PDE3A: variants seen among roughly 807,000 people sequenced by gnomAD.
The protein encoded by PDE3A is cGMP-inhibited 3',5'-cyclic phosphodiesterase 3A.
PDE3A carries 43 observed loss-of-function variants against 98.3 expected under a neutral mutation model. That is an observed-to-expected ratio of 0.44 (90% CI 0.34 to 0.56). The LOEUF (loss-of-function observed/expected upper bound fraction) is 0.56, where lower values mean the gene tolerates loss of function less well. PDE3A is among the 20% of genes least tolerant of loss of function. The pLI is 0.01. For synonymous variants in PDE3A, 663 were observed against 567.9 expected, an observed-to-expected ratio of 1.17 and a Z score of -2.38; for missense variants, 1,427 against 1,440.7, an observed-to-expected ratio of 0.99 and a Z score of 0.15.
intron 1 of PDE3A, among the ~76,000 whole-genome samples, chr12:20,505,157 T>C (rs1172586817): frequency 6.6e-6 from 1 of 152,150 alleles, no homozygotes; most frequent in African/African-American, 2.4e-5. Flanking sequence ...AATTACTTTC[T>C]ATAGTCCTAT....
intron 1 of PDE3A, among the ~76,000 whole-genome samples, chr12:20,546,684 A>C (rs1436977081): frequency 1.3e-5 from 2 of 152,178 alleles, no homozygotes; most frequent in African/African-American, 4.8e-5. Flanking sequence ...CTAAAAGGCA[A>C]CCCCTGCTCT....
At chr12:20,589,417 AC>A (rs1245235786) in intron 2 of PDE3A, among the ~76,000 whole-genome samples, 1 of 152,160 alleles carries the variant, frequency 6.6e-6, no homozygotes, top group African/African-American at 2.4e-5. Flanking sequence ...AAGCTATGTT[AC>A]CCAGCTTGTT....
At chr12:20,559,755 C>T (rs1942466531) in intron 2 of PDE3A, among the ~76,000 whole-genome samples, 1 of 151,752 alleles carries the variant, frequency 6.6e-6, no homozygotes, top group Admixed American at 6.6e-5. Flanking sequence ...CTAGGAAATA[C>T]CTCTGAGAAG....
At chr12:20,431,184 T>C (rs773404064) in intron 1 of PDE3A, among the ~76,000 whole-genome samples, 19 of 152,190 alleles carry the variant, frequency 1.2e-4, no homozygotes, top group Non-Finnish European at 2.4e-4. Flanking sequence ...AGGTTGATTA[T>C]CTATTTTCAA....
intron 1 of PDE3A, among the ~76,000 whole-genome samples, chr12:20,537,371 T>G (rs1941774583): frequency 1.3e-5 from 2 of 152,136 alleles, no homozygotes; most frequent in Admixed American, 6.6e-5. Context: ...GTCTTTTCAC[T>G]TTCTTAATGC....
intron 15 of PDE3A, among the ~76,000 whole-genome samples, chr12:20,655,065 G>T (rs1379693551): frequency 6.6e-6 from 1 of 152,112 alleles, no homozygotes; most frequent in East Asian, 1.9e-4. Context: ...GTACATTCTA[G>T]TGGGATCAGT....
intron 1 of PDE3A, among the ~76,000 whole-genome samples, chr12:20,550,810 T>C (rs531788641): frequency 4.9e-4 from 74 of 152,144 alleles, no homozygotes; most frequent in African/African-American, 1.5e-3. Context: ...TGTTCTTTTT[T>C]ATAAAGGCCT....
chr12:20,623,145 T>C (rs182072749), intron 5 of PDE3A, among the ~76,000 whole-genome samples: 311 of 152,152 alleles, frequency 2.0e-3, no homozygotes, highest in African/African-American at 7.3e-3. Flanking sequence ...ATTATTAAAC[T>C]GGGTAGAGAA....
intron 1 of PDE3A, among the ~76,000 whole-genome samples, chr12:20,435,768 A>T (rs1338288917): frequency 6.6e-6 from 1 of 152,172 alleles, no homozygotes; most frequent in Admixed American, 6.5e-5. Flanking sequence ...ACTGTCATAC[A>T]GGCACAAAGC....
rs1275972309 is a variant in PDE3A at position 20,648,693 on chromosome 12, G to A, written c.2571G>A (p.Val857=). 1.2e-6 allele frequency: 2 copies of A among 1,602,084 alleles called. No individual in the cohort carries two copies. The highest frequency in any genetic ancestry group is 1.7e-6 in the Non-Finnish European group (2 of 1,169,340). The change falls in exon 13 of 16, where the codon GTG becomes GTA. Residue 857 remains valine (V), a synonymous_variant. Coordinates refer to ENST00000359062, the MANE Select transcript of PDE3A (RefSeq NM_000921.5). The stretch of plus-strand genomic sequence containing the variant: ...TAACTGTCTTATTTGCCTAGGCGGT[G>A]CTATATAACGATCGTTCAGTTTTGG... ...FLVATSAPQA[V]LYNDRSVLEN... is the part of the protein sequence containing the mutation.
At position 20,681,150 on chromosome 12, in the gene PDE3A, A is replaced by T. The variant is rs139496881; in HGVS notation, c.*879A>T. On this transcript the variant is annotated 3_prime_UTR_variant, in exon 16 of 16. Transcript: ENST00000359062. ...TGGTATTACATTACTGCTATGCACC[A>T]CTTGAAGGAGCTCTATCACCAGCCT... 9.9e-5 allele frequency: 15 copies of T among 152,212 alleles called. No individual in the cohort carries two copies. Among genetic ancestry groups the T allele is most frequent in the African/African-American group, 3.6e-4 (15 of 41,528 alleles). 9.4% of individuals were successfully genotyped at this position (152,212 alleles called of 1,614,324 possible).
chr12:20,573,634 A>G (rs1313876681), intron 2 of PDE3A, among the ~76,000 whole-genome samples: 1 of 152,082 alleles, frequency 6.6e-6, no homozygotes, highest in African/African-American at 2.4e-5. Context: ...CTTCCCCAAC[A>G]TATATTTAAG....
intron 1 of PDE3A, among the ~76,000 whole-genome samples, chr12:20,497,529 T>TAA (rs368630383): frequency 7.2e-6 from 1 of 139,690 alleles, no homozygotes; most frequent in African/African-American, 2.6e-5. Flanking sequence ...AATTGTGCCC[T>TAA]AAAAAAAAAA....
chr12:20,401,748 C>T (rs530582280), intron 1 of PDE3A, among the ~76,000 whole-genome samples: 41 of 152,208 alleles, frequency 2.7e-4, no homozygotes, highest in African/African-American at 9.4e-4. Flanking sequence ...TTACATTCTC[C>T]GTCTTGGATT....
chr12:20,634,287 G>A (rs1266947637), intron 7 of PDE3A, among the ~76,000 whole-genome samples: 7 of 152,154 alleles, frequency 4.6e-5, no homozygotes, highest in Admixed American at 3.3e-4. Flanking sequence ...ACCTTAGTCA[G>A]CTATGAGAAA....
intron 1 of PDE3A, chr12:20,371,439 G>T (rs952506603): frequency 2.0e-6 from 2 of 982,916 alleles, no homozygotes; most frequent in South Asian, 4.7e-5. Context: ...GTACTATTAG[G>T]ACAACTTTAG....
intron 2 of PDE3A, among the ~76,000 whole-genome samples, chr12:20,581,752 A>G (rs1252431547): frequency 6.6e-6 from 1 of 150,816 alleles, no homozygotes; most frequent in African/African-American, 2.4e-5. Flanking sequence ...AGCTGGGACT[A>G]CAGGCGCCCG....
At chr12:20,418,626 C>CT (rs766004641) in intron 1 of PDE3A, among the ~76,000 whole-genome samples, 1 of 152,134 alleles carries the variant, frequency 6.6e-6, no homozygotes, top group Non-Finnish European at 1.5e-5. Context: ...CGATTTCTCT[C>CT]TTTCTGTTTT....
chr12:20,520,056 A>G (rs886084121), intron 1 of PDE3A, among the ~76,000 whole-genome samples: 1 of 152,098 alleles, frequency 6.6e-6, no homozygotes, highest in African/African-American at 2.4e-5. Context: ...TAAGCTTTGA[A>G]CCTAGGTATG....
Sources: allele counts gnomAD v4.1 joint callset (sites outside exome capture counted in the v4.1 genomes callset), GRCh38; gene constraint gnomAD v4.1.1; transcripts MANE v1.5; gene names NCBI Gene and HGNC (gene_info 2026-07-23, HGNC 2026-07-21).